Variants in LIN28A observed in about 807,000 individuals in gnomAD.
LIN28A encodes the protein lin-28 RNA binding posttranscriptional regulator A, also known as protein lin-28 homolog A.
LIN28A carries 11 observed loss-of-function variants against 21.1 expected under a neutral mutation model. The observed-to-expected ratio is 0.52, with a 90% confidence interval of 0.33 to 0.86. The LOEUF is 0.86. Among genes scored for constraint, LIN28A ranks in the 40% least tolerant of loss-of-function variants. LIN28A has a pLI of 0.03. For missense variants in LIN28A, 219 were observed against 279.8 expected (o/e 0.78, Z 1.55); for synonymous variants, 111 against 108.7 (o/e 1.02, Z -0.13).
intron 2 of LIN28A, among the ~76,000 whole-genome samples, chr1:26,419,180 C>T (rs1297020361): frequency 6.6e-6 from 1 of 150,828 alleles, no homozygotes; most frequent in African/African-American, 2.4e-5. Context: ...CCCTGGGAGG[C>T]TGGCTCTGTG....
At chr1:26,425,056 T>C (rs2075050350) in intron 2 of LIN28A, among the ~76,000 whole-genome samples, 2 of 152,208 alleles carry the variant, frequency 1.3e-5, no homozygotes, top group African/African-American at 2.4e-5. Flanking sequence ...TGTTCTATTT[T>C]ATTAAGAACT....
chr1:26,415,810 G>A (rs2074989811), intron 2 of LIN28A, among the ~76,000 whole-genome samples: 1 of 152,108 alleles, frequency 6.6e-6, no homozygotes, highest in South Asian at 2.1e-4. Flanking sequence ...CAGAGTGGAA[G>A]CCACGGATTT....
intron 2 of LIN28A, among the ~76,000 whole-genome samples, chr1:26,422,035 G>T (rs530131646): frequency 2.0e-5 from 3 of 149,978 alleles, no homozygotes; most frequent in Admixed American, 2.0e-4. Flanking sequence ...CTGAGACAGG[G>T]TCTCACTCTG....
At chr1:26,416,781 C>A (rs538341512) in intron 2 of LIN28A, among the ~76,000 whole-genome samples, 1 of 152,124 alleles carries the variant, frequency 6.6e-6, no homozygotes, top group South Asian at 2.1e-4. Flanking sequence ...CCATGCCCGG[C>A]TAATGTTTTG....
At chr1:26,425,575 CA>C in intron 3 of LIN28A, 88 bp downstream of exon 3, 2 of 1,255,798 alleles carry the variant, frequency 1.6e-6, no homozygotes, top group Non-Finnish European at 2.3e-6. Flanking sequence ...CTGCAAAAGA[CA>C]AAGGGAAGCC....
chr1:26,415,168 A>T (rs566826617), intron 2 of LIN28A, among the ~76,000 whole-genome samples: 129 of 152,340 alleles, frequency 8.5e-4, no homozygotes, highest in African/African-American at 3.1e-3. Context: ...CTTGGAGTCA[A>T]AAGCCCAGAT....
At chr1:26,421,527 CTGAT>C (rs1380533631) in intron 2 of LIN28A, among the ~76,000 whole-genome samples, 1 of 152,062 alleles carries the variant, frequency 6.6e-6, no homozygotes, top group Non-Finnish European at 1.5e-5. Context: ...TTTTACCAGT[CTGAT>C]TATCTGTCTT....
chr1:26,426,433 C>T lies in LIN28A; in HGVS notation c.605C>T (p.Thr202Ile), dbSNP rs370187333. The change falls in exon 4 of 4, where the codon ACC becomes ATC. Residue 202 changes from threonine to isoleucine, a missense_variant. This residue lies in a region of LIN28A where 45 missense variants were observed against 37.7 expected (regional missense o/e 1.19). Transcript: ENST00000326279. ...REEEEEIHSPTLLPEAQN is the reference protein window; with the variant it reads ...REEEEEIHSPILLPEAQN ...GAAGAAGAAGAAATCCACAGCCCTACCCTGCTCCCGGAGGCACAGAATTGA... is the reference window on the plus strand; with the variant it reads ...GAAGAAGAAGAAATCCACAGCCCTATCCTGCTCCCGGAGGCACAGAATTGA... 74 of 1,614,058 alleles carry T rather than the reference C, an allele frequency of 4.6e-5. No homozygotes were observed. Among genetic ancestry groups the T allele is most frequent in the Admixed American group, 4.0e-4 (24 of 60,004 alleles).
At chr1:26,412,128 A>G (rs912445384) in intron 2 of LIN28A, among the ~76,000 whole-genome samples, 4 of 152,200 alleles carry the variant, frequency 2.6e-5, no homozygotes, top group African/African-American at 9.7e-5. Flanking sequence ...AGATCCCTGA[A>G]GGATCCCTGT....
In LIN28A at chr1:26,411,400, G is replaced by A. The variant is rs780144236; in HGVS notation, c.46G>A (p.Ala16Thr). The A allele has an allele frequency of 2.2e-5, 35 of 1,597,736 alleles. 2 individuals are homozygous for A. The South Asian group carries it at 3.7e-4, about 17-fold the overall frequency. ...NQQFAGGCAKAAEEAPEEAPE... is the reference protein window; with the variant it reads ...NQQFAGGCAKTAEEAPEEAPE... The stretch of plus-strand genomic sequence containing the variant: ...CCTCTCTCCAGGTGGCTGCGCCAAG[G>A]CGGCAGAAGAGGCGCCCGAGGAGGC... The change falls in exon 2 of 4, where the codon GCG becomes ACG. Residue 16 changes from alanine to threonine, a missense_variant. Transcript: ENST00000326279. This position sits in a 1 kb window ranked among gnomAD's most constrained non-coding sequence, Gnocchi z 5.4.
rs932565413 is a variant in LIN28A, at chr1:26,411,873, A to C, written c.228+291A>C. On this transcript the variant is annotated intron_variant, in intron 2 of 3. Transcript: ENST00000326279. The surrounding 1 kb of genome is among the most constrained non-coding windows in gnomAD (Gnocchi z 5.4). The stretch of plus-strand genomic sequence containing the variant: ...GGGCAGGGGGCAGGGAGGTGACCCC[A>C]TGTGGCAGAAACTAAGGTTGTATTG... 1.3e-5 allele frequency among the ~76,000 whole-genome samples: 2 copies of C among 151,984 alleles called. No individual in the cohort carries two copies. Among genetic ancestry groups the C allele is most frequent in the South Asian group, 2.1e-4 (1 of 4,808 alleles).
At chr1:26,424,782 C>T (rs1405328680) in intron 2 of LIN28A, among the ~76,000 whole-genome samples, 2 of 152,156 alleles carry the variant, frequency 1.3e-5, no homozygotes, top group African/African-American at 4.8e-5. Flanking sequence ...CACTCTGTCG[C>T]CCAGGCTGGA....
chr1:26,414,027 G>A (rs934962323), intron 2 of LIN28A, among the ~76,000 whole-genome samples: 4 of 151,850 alleles, frequency 2.6e-5, no homozygotes, highest in African/African-American at 9.7e-5. Flanking sequence ...CGGGGTTTCT[G>A]CACGTTGGTC....
chr1:26,426,127 TGGGAA>T (rs2075057812), intron 3 of LIN28A, 110 bp from the exon 4 acceptor site: 3 of 767,490 alleles, frequency 3.9e-6, no homozygotes, highest in Non-Finnish European at 6.5e-6. Context: ...GTTTGGTCTC[TGGGAA>T]GGGAAGTAAG....
chr1:26,418,439 G>A (rs911958784), intron 2 of LIN28A, among the ~76,000 whole-genome samples: 4 of 151,942 alleles, frequency 2.6e-5, no homozygotes, highest in Non-Finnish European at 2.9e-5. Flanking sequence ...CCAGCTACTC[G>A]GCAGGCTGAG....
chr1:26,425,188 A>G (rs1240697162), intron 2 of LIN28A, 115 bp from the exon 3 acceptor site: 57 of 992,260 alleles, frequency 5.7e-5, no homozygotes, highest in African/African-American at 8.2e-5. Context: ...TTTCCTTACC[A>G]GTAAAATAGG....
In LIN28A at chr1:26,411,642, G is replaced by T; in HGVS notation, c.228+60G>T. The T allele has an allele frequency of 1.3e-6, 2 of 1,543,162 alleles. No individual in the cohort carries two copies. Among genetic ancestry groups the T allele is most frequent in the East Asian group, 4.6e-5 (2 of 43,256 alleles). On this transcript the variant is annotated intron_variant, in intron 2 of 3. Coordinates refer to ENST00000326279, the MANE Select transcript of LIN28A (RefSeq NM_024674.6). The surrounding 1 kb of genome is among the most constrained non-coding windows in gnomAD (Gnocchi z 5.4). Reference sequence around the variant, plus strand: ...GGCGTCTAGGCGCCCATATCCACGGGTGGGCTCCGGGCTCGCAGTTGAATT... The same window carrying T: ...GGCGTCTAGGCGCCCATATCCACGGTTGGGCTCCGGGCTCGCAGTTGAATT...
chr1:26,411,043 C>T lies in LIN28A; in HGVS notation c.31+121C>T, dbSNP rs967189615. On this transcript the variant is annotated intron_variant, in intron 1 of 3. Transcript: ENST00000326279. The surrounding 1 kb of genome is among the most constrained non-coding windows in gnomAD (Gnocchi z 5.4). ...AAGGACCCCAAGACGGTGCGGCCTT[C>T]TGCTTCATAGGGCCGTCTCTGGGGC... 8.2e-5 allele frequency: 106 copies of T among 1,294,036 alleles called. No individual in the cohort carries two copies. The highest frequency in any genetic ancestry group is 1.1e-4 in the Non-Finnish European group (102 of 950,158). The allele number at this position is 1,294,036 out of a possible 1,614,324, so 80.2% of individuals were successfully genotyped here.
At chr1:26,419,094 G>A (rs1175463526) in intron 2 of LIN28A, among the ~76,000 whole-genome samples, 1 of 152,076 alleles carries the variant, frequency 6.6e-6, no homozygotes, top group Admixed American at 6.5e-5. Flanking sequence ...GGGGAAGGGG[G>A]CGGGGCCCTG....
Sources: allele counts gnomAD v4.1 joint callset (sites outside exome capture counted in the v4.1 genomes callset), GRCh38; gene constraint gnomAD v4.1.1; regional missense constraint gnomAD v4.1.1; non-coding constraint Gnocchi (gnomAD v3.1); transcripts MANE v1.5; gene names NCBI Gene and HGNC (gene_info 2026-07-23, HGNC 2026-07-21).